CFAP61: variants seen among roughly 807,000 people sequenced by gnomAD.
CFAP61 encodes cilia- and flagella-associated protein 61.
A neutral mutation model predicts 135.6 loss-of-function variants in CFAP61; 107 were observed. The observed-to-expected ratio is 0.79, with a 90% CI of 0.67 to 0.93. The LOEUF (loss-of-function observed/expected upper bound fraction) is 0.93. CFAP61 is among the 40% of genes least tolerant of loss of function. CFAP61 has a pLI of 0.00. For synonymous variants in CFAP61, 575 were observed against 578.5 expected, an observed-to-expected ratio of 0.99 and a Z score of 0.09; for missense variants, 1,507 against 1,556.2, an observed-to-expected ratio of 0.97 and a Z score of 0.53.
At chr20:20,296,092 T>TCTC (rs2055470811) in intron 24 of CFAP61, among the ~76,000 whole-genome samples, 3 of 14,694 alleles carry the variant, frequency 2.0e-4, no homozygotes, top group Non-Finnish European at 3.0e-4. Flanking sequence ...CTTCCTTCTT[T>TCTC]CCTTCCTTCC....
intron 6 of CFAP61, among the ~76,000 whole-genome samples, chr20:20,078,219 A>T: frequency 6.6e-6 from 1 of 152,308 alleles, no homozygotes; most frequent in Middle Eastern, 3.4e-3. Flanking sequence ...CGACCACCCA[A>T]TCCCATCATG....
At chr20:20,270,318 A>G (rs537186624) in intron 21 of CFAP61, among the ~76,000 whole-genome samples, 1 of 152,308 alleles carries the variant, frequency 6.6e-6, no homozygotes, top group South Asian at 2.1e-4. Context: ...TCTTTATAGC[A>G]TTGAGCGTGA....
At position 20,305,804 on chromosome 20, in the gene CFAP61, A is replaced by G. The variant is rs990121146; in HGVS notation, c.3422+7418A>G. Among the ~76,000 whole-genome samples, 4 of 152,350 alleles carry G rather than the reference A, an allele frequency of 2.6e-5. No individual in the cohort carries two copies. In the South Asian group the frequency reaches 6.2e-4, roughly 24 times the overall value. On this transcript the variant is annotated intron_variant, in intron 25 of 26. Transcript: ENST00000245957. ...TATTTATCTGCCCTCATAAAAGGCA[A>G]TCGAGGTCAGTTTGCTCACGTACTC...
rs1426448371 is a variant in CFAP61, at chr20:20,069,600, C to T, written c.144-1254C>T. 13 of 366,228 alleles carry T rather than the reference C, an allele frequency of 3.5e-5. No homozygotes were observed. In the Admixed American group the frequency reaches 4.1e-4, roughly 12 times the overall value. The allele number at this position is 366,228 out of a possible 1,614,324, so 22.7% of individuals were successfully genotyped here. ...GCCAGATTCTAGTTTTAAAAACACACGATGTACATTTCAACGTATAGTTAC... is the reference window on the plus strand; with the variant it reads ...GCCAGATTCTAGTTTTAAAAACACATGATGTACATTTCAACGTATAGTTAC... On this transcript the variant is annotated intron_variant, in intron 2 of 26. Coordinates refer to ENST00000245957, the MANE Select transcript of CFAP61 (RefSeq NM_015585.4).
At chr20:20,296,870 G>A (rs973892063) in intron 24 of CFAP61, among the ~76,000 whole-genome samples, 17 of 151,794 alleles carry the variant, frequency 1.1e-4, no homozygotes, top group African/African-American at 2.4e-4. Context: ...CCCCATTGTC[G>A]GTGGGCCATT....
At chr20:20,294,201 A>T (rs928789755) in intron 24 of CFAP61, among the ~76,000 whole-genome samples, 1 of 152,206 alleles carries the variant, frequency 6.6e-6, no homozygotes, top group African/African-American at 2.4e-5. Context: ...CAGGGCTGGG[A>T]GGTGCCCTAC....
intron 2 of CFAP61, among the ~76,000 whole-genome samples, chr20:20,067,713 A>G (rs1257401338): frequency 6.9e-6 from 1 of 145,574 alleles, no homozygotes; most frequent in Non-Finnish European, 1.5e-5. Flanking sequence ...CATATTTTAT[A>G]TATAATATAT....
Position 20,263,013 on chromosome 20 carries a change from AACAGCAGT to A in CFAP61, c.2387_2394del (p.Asn796ThrfsTer23). ...ACACCTGACAAACAGGGAGGTTCCC[AACAGCAGT>A]CAGCGGCGGTACACGGGGAAAGTTC... On this transcript the variant is annotated frameshift_variant, in exon 21 of 27. Transcript: ENST00000245957. LOFTEE classifies it high-confidence loss of function. 1.2e-6 allele frequency: 2 copies of A among 1,614,034 alleles called. No homozygotes were observed. Among genetic ancestry groups the A allele is most frequent in the South Asian group, 2.2e-5 (2 of 91,076 alleles).
In CFAP61 at chr20:20,284,580, C is replaced by T. The variant is rs936457776; in HGVS notation, c.2797-4029C>T. On this transcript the variant is annotated intron_variant, in intron 22 of 26. Coordinates refer to ENST00000245957, the MANE Select transcript of CFAP61 (RefSeq NM_015585.4). Reference sequence around the variant, plus strand: ...GATTACAGGCATGAGCCACCGCGCCCGGCCTTCAATTGGCTTTTTAACTAT... The same window carrying T: ...GATTACAGGCATGAGCCACCGCGCCTGGCCTTCAATTGGCTTTTTAACTAT... Among the ~76,000 whole-genome samples, 6 of 152,274 alleles carry T rather than the reference C, an allele frequency of 3.9e-5. No homozygotes were observed. The East Asian group carries it at 9.6e-4, about 24-fold the overall frequency.
intron 25 of CFAP61, among the ~76,000 whole-genome samples, chr20:20,336,688 G>A (rs550713739): frequency 3.3e-5 from 5 of 152,044 alleles, no homozygotes; most frequent in South Asian, 2.1e-4. Flanking sequence ...CACAGAAAAC[G>A]ATTGATTCCC....
intron 12 of CFAP61, among the ~76,000 whole-genome samples, chr20:20,167,245 T>C (rs2053906477): frequency 6.6e-6 from 1 of 152,230 alleles, no homozygotes; most frequent in Non-Finnish European, 1.5e-5. Context: ...CTTACAACTA[T>C]GTGATGTTAG....
chr20:20,337,620 G>GTGGA (rs1166495693), intron 25 of CFAP61, among the ~76,000 whole-genome samples: 10 of 2,986 alleles, frequency 3.3e-3, no homozygotes, highest in African/African-American at 6.5e-3. Context: ...GGGTGGGTGG[G>GTGGA]TGGATGGATG....
At chr20:20,054,438 TACAC>T (rs1001861073) in intron 1 of CFAP61, among the ~76,000 whole-genome samples, 5 of 151,642 alleles carry the variant, frequency 3.3e-5, no homozygotes, top group African/African-American at 1.2e-4. Context: ...CATACACATA[TACAC>T]ACACACATTT....
chr20:20,076,974 A>G (rs773122341), intron 6 of CFAP61, among the ~76,000 whole-genome samples: 1 of 152,218 alleles, frequency 6.6e-6, no homozygotes, highest in African/African-American at 2.4e-5. Context: ...AGCACTTAGC[A>G]CACTTCCTGC....
At chr20:20,343,220 C>T (rs1362665011) in intron 26 of CFAP61, among the ~76,000 whole-genome samples, 2 of 152,198 alleles carry the variant, frequency 1.3e-5, no homozygotes, top group Admixed American at 1.3e-4. Context: ...GGGTGTCTCA[C>T]CCCAAAGCTG....
intron 13 of CFAP61, among the ~76,000 whole-genome samples, chr20:20,186,083 G>C (rs1431464354): frequency 7.2e-5 from 11 of 152,126 alleles, no homozygotes; most frequent in South Asian, 2.1e-4. Context: ...GTTTGTAGTA[G>C]AGTTACAGCA....
intron 8 of CFAP61, among the ~76,000 whole-genome samples, chr20:20,113,126 G>A (rs1490870299): frequency 6.6e-6 from 1 of 152,126 alleles, no homozygotes; most frequent in African/African-American, 2.4e-5. Flanking sequence ...CAAAGAGAAT[G>A]TGCATTCTCT....
At position 20,085,119 on chromosome 20, in the gene CFAP61, C is replaced by T. The variant is rs535524887; in HGVS notation, c.567-5725C>T. 1.3e-4 allele frequency: 124 copies of T among 985,434 alleles called. No individual in the cohort carries two copies. In the South Asian group the frequency reaches 2.6e-3, roughly 21 times the overall value. 61.0% of individuals were successfully genotyped at this position (985,434 alleles called of 1,614,324 possible). ...GCACTCTGTGCTGATCTATAAACTCCGCATCTTCATCGCCACTGGAACACT... is the reference window on the plus strand; with the variant it reads ...GCACTCTGTGCTGATCTATAAACTCTGCATCTTCATCGCCACTGGAACACT... On this transcript the variant is annotated intron_variant, in intron 6 of 26. Transcript: ENST00000245957.
intron 8 of CFAP61, among the ~76,000 whole-genome samples, chr20:20,121,103 CTTTTTTT>C (rs869290856): frequency 2.6e-5 from 3 of 113,612 alleles, no homozygotes; most frequent in Non-Finnish European, 3.5e-5. Flanking sequence ...TTTATTTTTA[CTTTTTTT>C]TTTTTTTTTT....
Sources: gnomAD v4.1 joint callset for allele counts (sites outside exome capture counted in the v4.1 genomes callset) on GRCh38, gnomAD v4.1.1 for gene constraint, MANE v1.5 for transcripts, NCBI Gene and HGNC (gene_info 2026-07-23, HGNC 2026-07-21) for gene names.